KANSL1: variants seen among roughly 807,000 people sequenced by gnomAD.
KANSL1 encodes MLL1/MLL complex subunit KANSL1.
KANSL1 carries 22 observed loss-of-function variants against 103.6 expected under a neutral mutation model. The observed-to-expected ratio is 0.21, with a 90% CI of 0.15 to 0.30. The LOEUF is 0.30. Among genes scored for constraint, KANSL1 ranks in the 10% least tolerant of loss-of-function variants. The pLI is 1.00. For synonymous variants in KANSL1, 600 were observed against 527.6 expected, an observed-to-expected ratio of 1.14 and a Z score of -1.88; for missense variants, 1,337 against 1,399.8, an observed-to-expected ratio of 0.96 and a Z score of 0.72.
intron 4 of KANSL1, among the ~76,000 whole-genome samples, chr17:46,077,673 T>G (rs1273736816): frequency 6.6e-6 from 1 of 152,162 alleles, no homozygotes; most frequent in Non-Finnish European, 1.5e-5. Flanking sequence ...TTCTCCTGCT[T>G]CAGCCTCCCG....
intron 2 of KANSL1, among the ~76,000 whole-genome samples, chr17:46,161,210 C>T (rs568448009): frequency 2.2e-5 from 3 of 134,800 alleles, no homozygotes; most frequent in Middle Eastern, 4.0e-3. Context: ...GTCAGCAGAT[C>T]GAGACCATCC....
chr17:46,086,636 T>C (rs529488558), intron 3 of KANSL1, among the ~76,000 whole-genome samples: 48 of 152,170 alleles, frequency 3.2e-4, no homozygotes, highest in African/African-American at 1.1e-3. Context: ...GAACAAAATA[T>C]AGGATAGTGA....
At chr17:46,169,167 G>T (rs116274983) in intron 2 of KANSL1, among the ~76,000 whole-genome samples, 1 of 152,166 alleles carries the variant, frequency 6.6e-6, no homozygotes, top group African/African-American at 2.4e-5. Context: ...TTTTTAAAGC[G>T]GTGATTTAAA....
At chr17:46,036,222 G>A (rs73317044) in intron 10 of KANSL1, among the ~76,000 whole-genome samples, 1 of 152,124 alleles carries the variant, frequency 6.6e-6, no homozygotes, top group African/African-American at 2.4e-5. Flanking sequence ...CAGATCTTTA[G>A]AAGTGTCTGG....
intron 1 of KANSL1, among the ~76,000 whole-genome samples, chr17:46,214,082 T>G (rs933994688): frequency 6.6e-6 from 1 of 152,318 alleles, no homozygotes; most frequent in East Asian, 1.9e-4. Flanking sequence ...TGACACTGGG[T>G]GGTCAGCAAA....
chr17:46,042,715 T>C (rs986357043), intron 7 of KANSL1: 22 of 151,388 alleles, frequency 1.5e-4, no homozygotes, highest in African/African-American at 4.6e-4. Flanking sequence ...ATGAATTTCA[T>C]GACACTGAAT....
At chr17:46,222,225 T>C (rs893163850) in intron 1 of KANSL1, 1 of 149,146 alleles carries the variant, frequency 6.7e-6, no homozygotes, top group Non-Finnish European at 1.5e-5. Flanking sequence ...CTGAGGTTAC[T>C]GTATTACAAC....
chr17:46,197,007 C>G (rs944723617), upstream of KANSL1, among the ~76,000 whole-genome samples: 2 of 151,996 alleles, frequency 1.3e-5, no homozygotes, highest in Non-Finnish European at 2.9e-5. Context: ...CCAAGCTACT[C>G]AGAGGCTCAG....
intron 11 of KANSL1, 79 bp downstream of exon 11, chr17:46,034,068 AGACTAGGGCCCAAC>A (rs1032696056): frequency 6.8e-7 from 1 of 1,471,412 alleles, no homozygotes; most frequent in African/African-American, 1.4e-5. Flanking sequence ...ACAGAACCAA[AGACTAGGGCCCAAC>A]TCTTGGTCAG....
chr17:46,039,547 C>A, intron 8 of KANSL1, 155 bp downstream of exon 8: 1 of 809,328 alleles, frequency 1.2e-6, no homozygotes, highest in Non-Finnish European at 1.9e-6. Flanking sequence ...CTGAGAGCAT[C>A]CAAGACAAGC....
At chr17:46,221,773 A>G (rs1199716956) in intron 1 of KANSL1, 1 of 151,408 alleles carries the variant, frequency 6.6e-6, no homozygotes, top group Admixed American at 6.6e-5. Flanking sequence ...TATAAAATAA[A>G]CATTTGGGCT....
At chr17:46,195,512 A>G (rs1399257647), upstream of KANSL1, among the ~76,000 whole-genome samples, 2 of 152,254 alleles carry the variant, frequency 1.3e-5, no homozygotes, top group African/African-American at 4.8e-5. Context: ...AAATCAGTCA[A>G]CCTGTTGTAT....
intron 1 of KANSL1, among the ~76,000 whole-genome samples, chr17:46,188,657 T>TA (rs2047146184): frequency 6.6e-6 from 1 of 152,172 alleles, no homozygotes; most frequent in Non-Finnish European, 1.5e-5. Flanking sequence ...TCCCAAGACA[T>TA]AGACTAATCA....
chr17:46,084,280 G>C (rs981772218), intron 3 of KANSL1, among the ~76,000 whole-genome samples: 3 of 152,060 alleles, frequency 2.0e-5, no homozygotes, highest in African/African-American at 7.2e-5. Flanking sequence ...TACTCGGAAG[G>C]CTGAAGAAGG....
intron 1 of KANSL1, among the ~76,000 whole-genome samples, chr17:46,220,219 A>ATTT (rs113260952): frequency 0.086 from 12,446 of 144,384 alleles, no homozygotes; most frequent in African/African-American, 0.3. Flanking sequence ...GTTCTTTAAA[A>ATTT]TTTTTTTTTT....
chr17:46,141,403 T>C (rs1001609220), intron 2 of KANSL1, among the ~76,000 whole-genome samples: 10 of 152,232 alleles, frequency 6.6e-5, no homozygotes, highest in African/African-American at 2.4e-4. Context: ...TTCTCTTTCC[T>C]CAAGGTTGTC....
intron 2 of KANSL1, among the ~76,000 whole-genome samples, chr17:46,118,873 C>T (rs544046819): frequency 6.6e-6 from 1 of 152,318 alleles, no homozygotes; most frequent in Admixed American, 6.5e-5. Context: ...AGTTGCTAGT[C>T]CAAATTTTCT....
At chr17:46,159,393 T>C (rs1283500145) in intron 2 of KANSL1, among the ~76,000 whole-genome samples, 1 of 152,218 alleles carries the variant, frequency 6.6e-6, no homozygotes, top group Non-Finnish European at 1.5e-5. Context: ...CCACAAATGC[T>C]AAGAAAAATA....
chr17:46,074,797 AAAT>A (rs1210857984), intron 4 of KANSL1, among the ~76,000 whole-genome samples: 1 of 136,910 alleles, frequency 7.3e-6, no homozygotes, highest in Non-Finnish European at 1.7e-5. Context: ...ATAAATAAAT[AAAT>A]AAATAAATAT....
Sources: allele counts gnomAD v4.1 joint callset (sites outside exome capture counted in the v4.1 genomes callset), GRCh38; gene constraint gnomAD v4.1.1; transcripts MANE v1.5; gene names NCBI Gene and HGNC (gene_info 2026-07-23, HGNC 2026-07-21).